Variants in PCNT observed in about 807,000 individuals in gnomAD.
PCNT encodes the protein kendrin.
Under a neutral mutation model 380.4 loss-of-function variants are expected in PCNT, and 319 were observed. That is an observed-to-expected ratio of 0.84 (90% CI 0.77 to 0.92). PCNT has a LOEUF of 0.92. Ranked by LOEUF, PCNT falls within the 40% of genes least tolerant of loss-of-function variation. PCNT has a pLI of 0.00. For missense variants in PCNT, 4,400 were observed against 4,255.3 expected (o/e 1.03, Z -0.95); for synonymous variants, 1,845 against 1,735.2 (o/e 1.06, Z -1.57).
intron 32 of PCNT, 143 bp downstream of exon 32, chr21:46,422,267 C>T: frequency 9.1e-7 from 1 of 1,093,938 alleles, no homozygotes; most frequent in Non-Finnish European, 1.3e-6. Context: ...TTTAATGACT[C>T]ACGGGAGGCA....
Position 46,402,442 on chromosome 21 carries a change from G to T in PCNT, c.5074G>T (p.Val1692Phe). The T allele has an allele frequency of 6.2e-7, 1 of 1,614,112 alleles. No individual in the cohort carries two copies. Among genetic ancestry groups the T allele is most frequent in the Non-Finnish European group, 8.5e-7 (1 of 1,179,974 alleles). ...KLDMQNSQTA[V>F]SLRELEEENT... Reference sequence around the variant, plus strand: ...GGACATGCAGAACAGCCAGACTGCTGTCAGCCTCAGAGAACTTGAGGAAGA... The same window carrying T: ...GGACATGCAGAACAGCCAGACTGCTTTCAGCCTCAGAGAACTTGAGGAAGA... Residue 1692 changes from valine (V) to phenylalanine (F), a missense_variant, in exon 27 of 47, where the codon GTC (valine) becomes TTC (phenylalanine). By Grantham distance (50) the Val-to-Phe change is conservative (BLOSUM62 -1). Coordinates refer to ENST00000359568, the MANE Select transcript of PCNT (RefSeq NM_006031.6).
At chr21:46,326,340 A>G in intron 1 of PCNT, 37 bp from the exon 2 acceptor site, 1 of 1,600,318 alleles carries the variant, frequency 6.2e-7, no homozygotes, top group Non-Finnish European at 8.6e-7. Flanking sequence ...TTTCTCACTT[A>G]CCTTTGCCTT....
chr21:46,333,848 A>AG (rs1245342393), intron 2 of PCNT, among the ~76,000 whole-genome samples: 17 of 152,042 alleles, frequency 1.1e-4, no homozygotes, highest in Admixed American at 8.5e-4. Flanking sequence ...AAAAAAAAAA[A>AG]AAAAGTAGAA....
At chr21:46,340,195 G>A (rs1382449120) in intron 3 of PCNT, among the ~76,000 whole-genome samples, 6 of 152,118 alleles carry the variant, frequency 3.9e-5, no homozygotes, top group Non-Finnish European at 7.4e-5. Context: ...TAAAACCATC[G>A]GATCTAGTGA....
intron 38 of PCNT, among the ~76,000 whole-genome samples, chr21:46,435,447 A>G (rs1031159378): frequency 2.0e-5 from 3 of 151,848 alleles, no homozygotes. Flanking sequence ...ACTGGTCTCG[A>G]ACTCCTGACC....
rs774314074 is a variant in PCNT, at chr21:46,431,545, T to C, written c.8081T>C (p.Leu2694Ser). ...GCTGTCTAGGAGCTGCGGGCGTCTTTGGAGACACAGCGTGCTCAGAGCAGT... is the reference window on the plus strand; with the variant it reads ...GCTGTCTAGGAGCTGCGGGCGTCTTCGGAGACACAGCGTGCTCAGAGCAGT... ...AKALEELRAS[L>S]ETQRAQSSRL... The change falls in exon 38 of 47, where the codon TTG becomes TCG. Residue 2694 changes from leucine to serine, a missense_variant. By Grantham distance (145) the Leu-to-Ser change is moderately radical. Coordinates refer to ENST00000359568, the MANE Select transcript of PCNT (RefSeq NM_006031.6). The C allele has an allele frequency of 6.2e-7, 1 of 1,613,948 alleles. No individual in the cohort carries two copies. The highest frequency in any genetic ancestry group is 1.3e-5 in the African/African-American group (1 of 74,948).
At chr21:46,368,934 G>T (rs750930493) in intron 15 of PCNT, among the ~76,000 whole-genome samples, 6 of 152,242 alleles carry the variant, frequency 3.9e-5, no homozygotes, top group Non-Finnish European at 7.3e-5. Flanking sequence ...CCTCCTTCCT[G>T]ACTGTGGGGA....
chr21:46,361,988 G>T (rs1251591439), intron 13 of PCNT, among the ~76,000 whole-genome samples: 1 of 152,168 alleles, frequency 6.6e-6, no homozygotes, highest in African/African-American at 2.4e-5. Context: ...TTGCATCCTG[G>T]ACACTGTGAG....
rs181281200 is a variant in PCNT, at chr21:46,359,232, C to T, written c.2154+2041C>T. On this transcript the variant is annotated intron_variant, in intron 13 of 46. Transcript: ENST00000359568. ...CCTCCCAAAGTGTTGGGACTACAGG[C>T]GTGAGCCACCGAACCTGGCTCCAGG... is the stretch of plus-strand genomic sequence containing the variant. 6.4e-3 allele frequency among the ~76,000 whole-genome samples: 941 copies of T among 147,998 alleles called. 45 individuals carry two copies. The highest frequency in any genetic ancestry group is 0.022 in the African/African-American group (903 of 40,282).
chr21:46,429,319 G>A (rs1386680403), intron 35 of PCNT, among the ~76,000 whole-genome samples: 23 of 97,442 alleles, frequency 2.4e-4, no homozygotes, highest in Non-Finnish European at 3.2e-4. Flanking sequence ...GCGAGCGCTC[G>A]TGAGAGGCAT....
intron 31 of PCNT, among the ~76,000 whole-genome samples, chr21:46,418,509 C>T (rs2087119641): frequency 6.6e-6 from 1 of 152,226 alleles, no homozygotes; most frequent in African/African-American, 2.4e-5. Context: ...GCCAAGGTTG[C>T]TGGCCCGGGC....
At chr21:46,372,070 G>A (rs1340243936) in intron 15 of PCNT, among the ~76,000 whole-genome samples, 1 of 145,724 alleles carries the variant, frequency 6.9e-6, no homozygotes, top group Non-Finnish European at 1.5e-5. Flanking sequence ...CAAGGCACAT[G>A]CACACAGCAC....
At position 46,349,187 on chromosome 21, in the gene PCNT, G is replaced by C; in HGVS notation, c.1207+1G>C. 2 of 1,612,382 alleles carry C rather than the reference G, an allele frequency of 1.2e-6. No homozygotes were observed. Among genetic ancestry groups the C allele is most frequent in the Middle Eastern group, 1.7e-4 (1 of 6,060 alleles). ...TTTCAAGACAAAAACCAGGCTGAACGTAAGTAATGAAAATGAGCAAGTTTG... is the reference window on the plus strand; with the variant it reads ...TTTCAAGACAAAAACCAGGCTGAACCTAAGTAATGAAAATGAGCAAGTTTG... On this transcript the variant is annotated splice_donor_variant, in intron 7 of 46. Coordinates refer to ENST00000359568, the MANE Select transcript of PCNT (RefSeq NM_006031.6). LOFTEE classifies it high-confidence loss of function.
At chr21:46,429,063 C>T (rs762627538) in intron 35 of PCNT, among the ~76,000 whole-genome samples, 15 of 152,200 alleles carry the variant, frequency 9.9e-5, no homozygotes, top group African/African-American at 2.9e-4. Context: ...GAGCTGGTCT[C>T]GTACCATCGC....
intron 2 of PCNT, among the ~76,000 whole-genome samples, chr21:46,331,542 A>G (rs6518287): frequency 0.85 from 128,674 of 152,204 alleles, 54,958 homozygotes; most frequent in African/African-American, 0.92. Flanking sequence ...AAGGTCAGGC[A>G]TGGTGGCTCC....
In PCNT at chr21:46,399,577, T is replaced by G. The variant is rs771598699; in HGVS notation, c.4585-13T>G. Reference sequence around the variant, plus strand: ...ATTCTATTGTATTCCTCAAGCATTTTTTGTTGTTTTAGGTTGAGTTGTTAC... The same window carrying G: ...ATTCTATTGTATTCCTCAAGCATTTGTTGTTGTTTTAGGTTGAGTTGTTAC... On this transcript the variant is annotated splice_polypyrimidine_tract_variant and intron_variant, in intron 24 of 46. Transcript: ENST00000359568. The G allele has an allele frequency of 1.9e-5, 30 of 1,590,178 alleles. No homozygotes were observed. Among genetic ancestry groups the G allele is most frequent in the Non-Finnish European group, 2.6e-5 (30 of 1,158,478 alleles).
At position 46,381,866 on chromosome 21, in the gene PCNT, T is replaced by C. The variant is rs752963595; in HGVS notation, c.3312+26T>C. 25 of 1,612,388 alleles carry C rather than the reference T, an allele frequency of 1.6e-5. No homozygotes were observed. In the South Asian group the frequency reaches 2.3e-4, roughly 15 times the overall value. On this transcript the variant is annotated intron_variant, in intron 16 of 46. Coordinates refer to ENST00000359568, the MANE Select transcript of PCNT (RefSeq NM_006031.6). The stretch of plus-strand genomic sequence containing the variant: ...GTGTGTGGAATACGCTGTTCCCTTG[T>C]GATAAGACGTGTATAGCATAAAAAT...
At chr21:46,359,709 G>A (rs9977845) in intron 13 of PCNT, among the ~76,000 whole-genome samples, 18 of 112,426 alleles carry the variant, frequency 1.6e-4, no homozygotes, top group South Asian at 4.9e-4. Context: ...GGCTGGTCTC[G>A]AACTCCTGAC....
chr21:46,435,272 C>T (rs1486383868), intron 38 of PCNT, among the ~76,000 whole-genome samples: 1 of 152,142 alleles, frequency 6.6e-6, no homozygotes, highest in African/African-American at 2.4e-5. Context: ...TGTCGCCAGG[C>T]TGGAGTGCAG....
Sources: gnomAD v4.1 joint callset for allele counts (sites outside exome capture counted in the v4.1 genomes callset) on GRCh38, gnomAD v4.1.1 for gene constraint, MANE v1.5 for transcripts, NCBI Gene and HGNC (gene_info 2026-07-23, HGNC 2026-07-21) for gene names.